The following MACROH2A1 variants were observed in gnomAD, a reference collection of about 807,000 sequenced individuals.
MACROH2A1 encodes macroH2A.1 histone.
A neutral mutation model predicts 31.6 loss-of-function variants in MACROH2A1; 2 were observed. The observed-to-expected ratio is 0.06, with a 90% CI of 0.03 to 0.20. MACROH2A1 has a LOEUF of 0.20. MACROH2A1 is among the 10% of genes least tolerant of loss of function. The pLI, the probability that MACROH2A1 is intolerant of heterozygous loss-of-function variation, is 1.00. For missense variants in MACROH2A1, 230 were observed against 474.0 expected, an observed-to-expected ratio of 0.49 and a Z score of 4.78; for synonymous variants, 169 against 189.6, an observed-to-expected ratio of 0.89 and a Z score of 0.89.
intron 1 of MACROH2A1, among the ~76,000 whole-genome samples, chr5:135,392,987 A>C (rs1368413800): frequency 6.6e-6 from 1 of 152,368 alleles, no homozygotes; most frequent in East Asian, 1.9e-4. Context: ...AATGTGAATA[A>C]GATGAAAAAA....
intron 2 of MACROH2A1, among the ~76,000 whole-genome samples, chr5:135,380,332 TTGACCCCAGC>T (rs1425009855): frequency 1.3e-5 from 2 of 152,186 alleles, no homozygotes; most frequent in Non-Finnish European, 2.9e-5. Flanking sequence ...CGTGATTCTT[TTGACCCCAGC>T]ACCCCGCTTG....
At chr5:135,380,322 C>T (rs1312772419) in intron 2 of MACROH2A1, among the ~76,000 whole-genome samples, 3 of 152,134 alleles carry the variant, frequency 2.0e-5, no homozygotes, top group Non-Finnish European at 2.9e-5. Context: ...GGAAATCAAC[C>T]GTGATTCTTT....
intron 6 of MACROH2A1, among the ~76,000 whole-genome samples, chr5:135,348,242 C>T (rs1561584721): frequency 1.3e-5 from 2 of 152,230 alleles, no homozygotes; most frequent in African/African-American, 4.8e-5. Context: ...ACCATATTGT[C>T]AACACTCTTA....
At chr5:135,376,871 A>G (rs969807115) in intron 2 of MACROH2A1, among the ~76,000 whole-genome samples, 1 of 152,192 alleles carries the variant, frequency 6.6e-6, no homozygotes, top group African/African-American at 2.4e-5. Context: ...AGAAAACTGC[A>G]CTTCCTTTGC....
chr5:135,360,618 C>T lies in MACROH2A1; in HGVS notation c.478-11G>A, dbSNP rs201914845. Reference sequence around the variant, plus strand: ...TTCACCCTGCTTCTTCTTGCACAGACGGAAGGGTCAGAATGTGGGCCACAC... The same window carrying T: ...TTCACCCTGCTTCTTCTTGCACAGATGGAAGGGTCAGAATGTGGGCCACAC... On this transcript the variant is annotated splice_polypyrimidine_tract_variant and intron_variant, in intron 4 of 8. Coordinates refer to ENST00000511689, the MANE Select transcript of MACROH2A1 (RefSeq NM_138610.3). The T allele has an allele frequency of 2.1e-4, 342 of 1,595,768 alleles. 1 individual carries two copies. Among genetic ancestry groups the T allele is most frequent in the Middle Eastern group, 1.3e-3 (8 of 6,030 alleles).
Position 135,369,479 on chromosome 5 carries a change from T to G in MACROH2A1, c.404A>C (p.Lys135Thr). 2 of 1,614,130 alleles carry G rather than the reference T, an allele frequency of 1.2e-6. No individual in the cohort carries two copies. Among genetic ancestry groups the G allele is most frequent in the Non-Finnish European group, 1.7e-6 (2 of 1,179,948 alleles). The change falls in exon 4 of 9, where the codon AAG (lysine) becomes ACG (threonine). Residue 135 changes from lysine to threonine, a missense_variant. By Grantham distance (78) the Lys-to-Thr change is moderately conservative (BLOSUM62 -1). Transcript: ENST00000511689. This position sits in a 1 kb window ranked among gnomAD's most constrained non-coding sequence, Gnocchi z 4.3. ...EAIITPPPAK[K>T]AKSPSQKKPV... ...CTTCTTCTGGGATGGAGACTTGGCC[T>G]TTTTGGCTGGGGGTGGTGTGATGAT...
rs1038062418 is a variant in MACROH2A1 at position 135,391,085 on chromosome 5, A to G, written c.-33-1959T>C. ...TTGGATCCCTTCCTTGCTGCAATGA[A>G]CTCCATTTTAAAACATTCCTTGCAA... On this transcript the variant is annotated intron_variant, in intron 1 of 8. Coordinates refer to ENST00000511689, the MANE Select transcript of MACROH2A1 (RefSeq NM_138610.3). Among the ~76,000 whole-genome samples, 91 of 151,982 alleles carry G rather than the reference A, an allele frequency of 6.0e-4. 5 individuals are homozygous for G. The highest frequency in any genetic ancestry group is 5.9e-5 in the Non-Finnish European group (4 of 67,986).
At chr5:135,337,479 G>A (rs1758949266) in intron 8 of MACROH2A1, among the ~76,000 whole-genome samples, 1 of 152,254 alleles carries the variant, frequency 6.6e-6, no homozygotes, top group South Asian at 2.1e-4. Context: ...GACCCCTCCT[G>A]AGGCTTTCCT....
intron 2 of MACROH2A1, among the ~76,000 whole-genome samples, chr5:135,373,715 A>C (rs1260422325): frequency 6.6e-6 from 1 of 151,792 alleles, no homozygotes; most frequent in African/African-American, 2.4e-5. Flanking sequence ...AGAATCCAAG[A>C]CTCTTCCTTT....
At chr5:135,357,736 C>T (rs1762350005) in intron 5 of MACROH2A1, 2 of 984,948 alleles carry the variant, frequency 2.0e-6, no homozygotes, top group African/African-American at 3.5e-5. Context: ...ATTCACAGCA[C>T]TGATTTCTTT....
chr5:135,376,393 A>G (rs1764869964), intron 2 of MACROH2A1, among the ~76,000 whole-genome samples: 1 of 152,210 alleles, frequency 6.6e-6, no homozygotes, highest in African/African-American at 2.4e-5. Flanking sequence ...GCCCTATTTC[A>G]AAGTAAAAAA....
At chr5:135,383,700 G>GGTGT (rs61338247) in intron 2 of MACROH2A1, among the ~76,000 whole-genome samples, 13,905 of 137,000 alleles carry the variant, frequency 0.1, 678 homozygotes, top group Admixed American at 0.14. Flanking sequence ...GATGTGGTGT[G>GGTGT]GTGTGTGTGT....
At chr5:135,359,800 C>A (rs1762609950) in intron 5 of MACROH2A1, 1 of 946,284 alleles carries the variant, frequency 1.1e-6, no homozygotes, top group African/African-American at 1.8e-5. Context: ...TTTCTTCCCA[C>A]CCCTTTTTGA....
intron 2 of MACROH2A1, among the ~76,000 whole-genome samples, chr5:135,388,427 T>C (rs1188643543): frequency 6.6e-6 from 1 of 152,188 alleles, no homozygotes; most frequent in East Asian, 1.9e-4. Flanking sequence ...AATCTAATCC[T>C]GAAACCAACC....
At chr5:135,358,245 C>T (rs900920335) in intron 5 of MACROH2A1, 2 of 985,366 alleles carry the variant, frequency 2.0e-6, no homozygotes, top group African/African-American at 3.5e-5. Context: ...TCAATGCTCA[C>T]TCCGTCTCAT....
intron 8 of MACROH2A1, among the ~76,000 whole-genome samples, chr5:135,341,735 A>C (rs1056322933): frequency 1.3e-5 from 2 of 152,232 alleles, no homozygotes; most frequent in Admixed American, 6.5e-5. Context: ...GCCTAAGCGG[A>C]AAATGGCAAA....
intron 2 of MACROH2A1, among the ~76,000 whole-genome samples, chr5:135,376,451 T>C (rs1327814958): frequency 6.6e-6 from 1 of 152,240 alleles, no homozygotes; most frequent in Non-Finnish European, 1.5e-5. Flanking sequence ...CTATGATTCT[T>C]AGCAAACATT....
At chr5:135,357,643 G>A in intron 5 of MACROH2A1, 2 of 626,110 alleles carry the variant, frequency 3.2e-6, no homozygotes, top group Non-Finnish European at 4.0e-6. Flanking sequence ...CATTAGAAAT[G>A]TTTTTTCTGA....
At chr5:135,377,824 C>T (rs1765099622) in intron 2 of MACROH2A1, among the ~76,000 whole-genome samples, 1 of 152,254 alleles carries the variant, frequency 6.6e-6, no homozygotes, top group African/African-American at 2.4e-5. Flanking sequence ...TACCCTCAGA[C>T]ACTCTGTCCC....
Sources: allele counts gnomAD v4.1 joint callset (sites outside exome capture counted in the v4.1 genomes callset), GRCh38; gene constraint gnomAD v4.1.1; non-coding constraint Gnocchi (gnomAD v3.1); transcripts MANE v1.5; gene names NCBI Gene and HGNC (gene_info 2026-07-23, HGNC 2026-07-21).